The following FMN2 variants were observed in gnomAD, a reference collection of about 807,000 sequenced individuals.
The protein encoded by FMN2 is formin-2.
Under a neutral mutation model 142.3 loss-of-function variants are expected in FMN2, and 51 were observed. The ratio of observed to expected loss-of-function variants is 0.36; its 90% CI spans 0.29 to 0.45. FMN2 has a LOEUF of 0.45. FMN2 is among the 20% of genes least tolerant of loss of function. The probability of loss-of-function intolerance (pLI) is 1.00; values close to 1 mark genes in which losing one functional copy is unlikely to be tolerated. For synonymous variants in FMN2, 882 were observed against 869.8 expected (o/e 1.01, Z -0.25); for missense variants, 1,936 against 2,122.8 (o/e 0.91, Z 1.73).
At chr1:240,288,925 C>G (rs1013153796) in intron 7 of FMN2, among the ~76,000 whole-genome samples, 10 of 152,122 alleles carry the variant, frequency 6.6e-5, no homozygotes, top group Middle Eastern at 3.4e-3. Context: ...CAGATGAGAC[C>G]GTAGCCCCCG....
At chr1:240,411,602 A>G (rs1674392021) in intron 15 of FMN2, among the ~76,000 whole-genome samples, 1 of 147,614 alleles carries the variant, frequency 6.8e-6, no homozygotes, top group African/African-American at 2.5e-5. Context: ...CTACATTCTT[A>G]TTGACATTTC....
intron 2 of FMN2, among the ~76,000 whole-genome samples, chr1:240,153,347 G>C: frequency 6.8e-6 from 1 of 147,120 alleles, no homozygotes; most frequent in Non-Finnish European, 1.5e-5. Context: ...ATCTCACTCG[G>C]TTCTCAAAAA....
intron 15 of FMN2, among the ~76,000 whole-genome samples, chr1:240,396,331 TG>T (rs1558470114): frequency 2.0e-5 from 3 of 151,720 alleles, no homozygotes; most frequent in African/African-American, 7.3e-5. Context: ...TGTGTGTGTG[TG>T]TGTGTGTGTG....
Position 240,368,817 on chromosome 1 carries a change from G to A in FMN2, c.4858+12909G>A, listed in dbSNP as rs111229517. On this transcript the variant is annotated intron_variant, in intron 14 of 17. Coordinates refer to ENST00000319653, the MANE Select transcript of FMN2 (RefSeq NM_020066.5). ...GTAAACAAATTAACACAAATTGATTGGAGGTTTTCATATCATTTAATTTTC... is the reference window on the plus strand; with the variant it reads ...GTAAACAAATTAACACAAATTGATTAGAGGTTTTCATATCATTTAATTTTC... 1.1e-3 allele frequency among the ~76,000 whole-genome samples: 174 copies of A among 152,084 alleles called. 2 individuals carry two copies. The highest frequency in any genetic ancestry group is 3.5e-3 in the African/African-American group (146 of 41,506).
In FMN2 at chr1:240,092,997, C is replaced by T. The variant is rs1661051891; in HGVS notation, c.888C>T (p.Pro296=). Residue 296 remains proline (P), a synonymous_variant, in exon 1 of 18, where the codon CCC becomes CCT. Transcript: ENST00000319653. The stretch of plus-strand genomic sequence containing the variant: ...GGGAGCCCCAGCAACCGCCGTCCCC[C>T]GGCGGCCTCCCGGTCTCCGAGGCGC... ...EPREPQQPPS[P]GGLPVSEAPS... The T allele has an allele frequency of 7.1e-7, 1 of 1,401,212 alleles. No individual in the cohort carries two copies. Among genetic ancestry groups the T allele is most frequent in the South Asian group, 1.6e-5 (1 of 63,316 alleles). 86.8% of individuals were successfully genotyped at this position (1,401,212 alleles called of 1,614,324 possible).
chr1:240,406,255 G>A (rs1287293737), intron 15 of FMN2, among the ~76,000 whole-genome samples: 2 of 94,044 alleles, frequency 2.1e-5, no homozygotes, highest in African/African-American at 4.3e-5. Flanking sequence ...AAGCAGCCTC[G>A]GGAGTCGGGG....
At chr1:240,159,501 A>T (rs1008241392) in intron 2 of FMN2, among the ~76,000 whole-genome samples, 1 of 152,018 alleles carries the variant, frequency 6.6e-6, no homozygotes, top group African/African-American at 2.4e-5. Flanking sequence ...GGGGTTCCTC[A>T]CCCATCTAAG....
chr1:240,200,677 C>A (rs1031704172), intron 4 of FMN2, among the ~76,000 whole-genome samples: 1 of 151,930 alleles, frequency 6.6e-6, no homozygotes, highest in Non-Finnish European at 1.5e-5. Flanking sequence ...CAGGGCCGGT[C>A]GGGATTTTAG....
intron 14 of FMN2, among the ~76,000 whole-genome samples, chr1:240,362,901 C>T (rs906597406): frequency 2.0e-5 from 3 of 152,078 alleles, no homozygotes; most frequent in Non-Finnish European, 2.9e-5. Context: ...CTTCTACCCG[C>T]CTCCCCGCTT....
chr1:240,296,858 C>G (rs4659955), intron 8 of FMN2, among the ~76,000 whole-genome samples: 31,552 of 151,952 alleles, frequency 0.21, 3,535 homozygotes, highest in Admixed American at 0.33. Flanking sequence ...GAGAGGGAAG[C>G]TTTCAGTGAT....
chr1:240,365,445 A>G (rs1672637809), intron 14 of FMN2, among the ~76,000 whole-genome samples: 3 of 152,050 alleles, frequency 2.0e-5, no homozygotes, highest in Admixed American at 2.0e-4. Flanking sequence ...TATATTTTCT[A>G]TATAGAGATA....
chr1:240,457,752 G>A (rs1430639858), intron 16 of FMN2: 1 of 152,358 alleles, frequency 6.6e-6, no homozygotes, highest in Non-Finnish European at 1.5e-5. Flanking sequence ...AGCATGTTTA[G>A]TCAAGTGCCT....
Position 240,192,855 on chromosome 1 carries a change from G to A in FMN2, c.1986+4593G>A, listed in dbSNP as rs748410902. Among the ~76,000 whole-genome samples the A allele has an allele frequency of 9.3e-5, 14 of 150,062 alleles. No homozygotes were observed. In the South Asian group the frequency reaches 2.5e-3, roughly 27 times the overall value. On this transcript the variant is annotated intron_variant, in intron 4 of 17. Coordinates refer to ENST00000319653, the MANE Select transcript of FMN2 (RefSeq NM_020066.5). ...GAAAGAAAGGATTTTTTTTTTTTTG[G>A]TGTGGGAATAATTTTTATTCTGTAG...
intron 1 of FMN2, among the ~76,000 whole-genome samples, chr1:240,109,637 G>A (rs1413010433): frequency 6.6e-6 from 1 of 152,088 alleles, no homozygotes; most frequent in Admixed American, 6.5e-5. Flanking sequence ...GAAGTTGGCT[G>A]TTCTCTGTGG....
intron 14 of FMN2, among the ~76,000 whole-genome samples, chr1:240,385,749 T>C (rs940614511): frequency 1.3e-5 from 2 of 152,194 alleles, no homozygotes; most frequent in African/African-American, 4.8e-5. Flanking sequence ...CTTTCCTGTA[T>C]TTTATGTTTG....
intron 6 of FMN2, among the ~76,000 whole-genome samples, chr1:240,254,100 G>C (rs1668368779): frequency 6.6e-6 from 1 of 152,148 alleles, no homozygotes; most frequent in African/African-American, 2.4e-5. Flanking sequence ...GGCTTGCTTG[G>C]GTGCCAGCAG....
In FMN2 at chr1:240,211,099, G is replaced by C. The variant is rs201716974; in HGVS notation, c.3929G>C (p.Ser1310Thr). The C allele has an allele frequency of 3.1e-6, 5 of 1,611,384 alleles. No individual in the cohort carries two copies. In the African/African-American group the frequency reaches 6.7e-5, roughly 22 times the overall value. ...RIQLHSKRDS[S>T]TSLIWEKIEE... The stretch of plus-strand genomic sequence containing the variant: ...CTTTTGCTTAATTTTAGAGACTCCA[G>C]TACTTCACTTATTTGGGAAAAAATT... The change falls in exon 6 of 18, where the codon AGT becomes ACT. Residue 1310 changes from serine to threonine, a missense_variant. By Grantham distance (58) the Ser-to-Thr change is moderately conservative. This residue lies in a region of FMN2 where 259 missense variants were observed against 230.9 expected (regional missense o/e 1.12). Transcript: ENST00000319653.
intron 1 of FMN2, among the ~76,000 whole-genome samples, chr1:240,120,544 T>G (rs1662193832): frequency 6.6e-6 from 1 of 152,226 alleles, no homozygotes; most frequent in Non-Finnish European, 1.5e-5. Context: ...ATGCTTTTTA[T>G]GTGCAAGTGA....
intron 2 of FMN2, among the ~76,000 whole-genome samples, chr1:240,134,993 A>C (rs776065968): frequency 7.9e-5 from 12 of 152,182 alleles, no homozygotes; most frequent in Non-Finnish European, 1.5e-4. Flanking sequence ...TAGTGACTCC[A>C]TGCTTTCCCT....
Sources: allele counts gnomAD v4.1 joint callset (sites outside exome capture counted in the v4.1 genomes callset), GRCh38; gene constraint gnomAD v4.1.1; regional missense constraint gnomAD v4.1.1; transcripts MANE v1.5; gene names NCBI Gene and HGNC (gene_info 2026-07-23, HGNC 2026-07-21).